Variants in ARL15 observed in about 807,000 individuals in gnomAD.
ARL15 encodes the protein ARF like GTPase 15, also known as ADP-ribosylation factor-like protein 15.
Under a neutral mutation model 25.2 loss-of-function variants are expected in ARL15, and 19 were observed. The observed-to-expected ratio is 0.75, with a 90% CI of 0.53 to 1.10. The LOEUF is 1.10. Ranked by LOEUF, ARL15 falls within the 50% of genes least tolerant of loss-of-function variation. The probability of loss-of-function intolerance (pLI) is 0.00; values close to 1 mark genes in which losing one functional copy is unlikely to be tolerated. For missense variants in ARL15, 220 were observed against 246.0 expected, an observed-to-expected ratio of 0.89 and a Z score of 0.71; for synonymous variants, 94 against 86.8, an observed-to-expected ratio of 1.08 and a Z score of -0.46.
intron 1 of ARL15, among the ~76,000 whole-genome samples, chr5:54,275,863 TTTTTGTA>T (rs1221618442): frequency 6.7e-6 from 1 of 149,802 alleles, no homozygotes; most frequent in Non-Finnish European, 1.5e-5. Flanking sequence ...TTTTTTTTTT[TTTTTGTA>T]TTTTTGTAGA....
rs766582674 is a variant in ARL15, at chr5:54,171,926, A to G, written c.51T>C (p.Cys17=). Residue 17 remains cysteine (C), a splice_region_variant and synonymous_variant, in exon 2 of 5, where the codon TGT becomes TGC. Transcript: ENST00000504924. ...TEAFLYMDYL[C]FRALCCKGPP... The stretch of plus-strand genomic sequence containing the variant: ...GTCCCTTGCAGCAAAGTGCTCTAAA[A>G]CACTGCCAAAAGAAGGGGAAAAAAA... The G allele has an allele frequency of 6.2e-7, 1 of 1,609,596 alleles. No individual in the cohort carries two copies. Among genetic ancestry groups the G allele is most frequent in the South Asian group, 1.1e-5 (1 of 90,664 alleles).
At chr5:53,975,581 T>C (rs1580133146) in intron 4 of ARL15, among the ~76,000 whole-genome samples, 1 of 152,238 alleles carries the variant, frequency 6.6e-6, no homozygotes, top group Non-Finnish European at 1.5e-5. Flanking sequence ...CTCTTGGCAA[T>C]ACTTGCTGGC....
At chr5:54,002,834 T>C (rs1748890185) in intron 4 of ARL15, among the ~76,000 whole-genome samples, 1 of 152,226 alleles carries the variant, frequency 6.6e-6, no homozygotes. Context: ...CTAACTATGC[T>C]CTCATTGCTA....
At chr5:54,111,315 C>G (rs569879584) in intron 4 of ARL15, among the ~76,000 whole-genome samples, 1 of 151,932 alleles carries the variant, frequency 6.6e-6, no homozygotes, top group African/African-American at 2.4e-5. Context: ...TCTATGACAA[C>G]GCTACATTTA....
At chr5:54,283,100 T>C (rs1320117059) in intron 1 of ARL15, among the ~76,000 whole-genome samples, 2 of 152,208 alleles carry the variant, frequency 1.3e-5, no homozygotes, top group Non-Finnish European at 2.9e-5. Flanking sequence ...AAGTTTATAA[T>C]GTCATAAATC....
intron 1 of ARL15, among the ~76,000 whole-genome samples, chr5:54,271,568 T>C (rs1211176467): frequency 1.3e-5 from 2 of 152,232 alleles, no homozygotes; most frequent in African/African-American, 4.8e-5. Context: ...TTTTCAATGG[T>C]GGTTAGTTGA....
chr5:53,978,177 C>T (rs1748004520), intron 4 of ARL15, among the ~76,000 whole-genome samples: 1 of 152,076 alleles, frequency 6.6e-6, no homozygotes, highest in Non-Finnish European at 1.5e-5. Context: ...TATCTGTAGC[C>T]TGAGAAAATA....
intron 1 of ARL15, among the ~76,000 whole-genome samples, chr5:54,191,762 A>G (rs73118747): frequency 0.023 from 3,495 of 152,178 alleles, 144 homozygotes; most frequent in African/African-American, 0.079. Flanking sequence ...GATTATTCCA[A>G]AAGCCTCACA....
intron 1 of ARL15, among the ~76,000 whole-genome samples, chr5:54,299,584 C>CTTTTTTTTTTTTTT (rs752417066): frequency 3.8e-5 from 3 of 79,556 alleles, no homozygotes; most frequent in African/African-American, 4.9e-5. Flanking sequence ...TAGCTATTAG[C>CTTTTTTTTTTTTTT]TTTTTTTTTT....
At chr5:54,069,357 G>A (rs1469832251) in intron 4 of ARL15, among the ~76,000 whole-genome samples, 4 of 152,076 alleles carry the variant, frequency 2.6e-5, no homozygotes, top group Admixed American at 2.0e-4. Flanking sequence ...GATCACCTCA[G>A]GTCAGGAGTT....
intron 1 of ARL15, among the ~76,000 whole-genome samples, chr5:54,259,996 G>T (rs112554336): frequency 1.3e-5 from 2 of 152,120 alleles, no homozygotes; most frequent in Non-Finnish European, 2.9e-5. Context: ...GAATTCATTC[G>T]TCAACCTGAA....
chr5:54,184,429 A>C (rs1755168547), intron 1 of ARL15, among the ~76,000 whole-genome samples: 1 of 137,798 alleles, frequency 7.3e-6, no homozygotes, highest in African/African-American at 2.7e-5. Flanking sequence ...GGCAACAGTA[A>C]CACTGTCTTT....
intron 4 of ARL15, among the ~76,000 whole-genome samples, chr5:54,029,763 G>A (rs1047310151): frequency 2.0e-5 from 3 of 152,132 alleles, no homozygotes; most frequent in Non-Finnish European, 4.4e-5. Context: ...GGAGGCTGAG[G>A]CGGGCAGATC....
chr5:54,262,948 A>G (rs1757531481), intron 1 of ARL15, among the ~76,000 whole-genome samples: 1 of 152,182 alleles, frequency 6.6e-6, no homozygotes, highest in Non-Finnish European at 1.5e-5. Flanking sequence ...GTCACTGGGC[A>G]GTAAAACTTC....
At chr5:54,221,825 G>GCACACACACACACA (rs3035310) in intron 1 of ARL15, among the ~76,000 whole-genome samples, 2 of 142,122 alleles carry the variant, frequency 1.4e-5, no homozygotes, top group Admixed American at 7.0e-5. Flanking sequence ...CAAGAAACAT[G>GCACACACACACACA]CACACACACA....
intron 1 of ARL15, among the ~76,000 whole-genome samples, chr5:54,240,307 A>C (rs969170487): frequency 4.6e-5 from 7 of 151,388 alleles, no homozygotes; most frequent in Non-Finnish European, 7.4e-5. Context: ...GTTGGCTCAA[A>C]AGGTGTCATT....
intron 4 of ARL15, among the ~76,000 whole-genome samples, chr5:53,910,040 G>GT (rs1745402139): frequency 6.6e-6 from 1 of 152,192 alleles, no homozygotes; most frequent in African/African-American, 2.4e-5. Flanking sequence ...ATTTATAAGA[G>GT]TTTGTCTGTT....
intron 1 of ARL15, among the ~76,000 whole-genome samples, chr5:54,253,854 T>A (rs546731086): frequency 1.3e-5 from 2 of 152,294 alleles, no homozygotes; most frequent in South Asian, 4.1e-4. Context: ...CCTCCCAAAG[T>A]GCTGGGATAA....
At chr5:54,075,234 G>A (rs559983225) in intron 4 of ARL15, among the ~76,000 whole-genome samples, 20 of 152,016 alleles carry the variant, frequency 1.3e-4, no homozygotes, top group African/African-American at 4.1e-4. Flanking sequence ...TAAATATAGG[G>A]GGTTCTTCCA....
Sources: gnomAD v4.1 joint callset for allele counts (sites outside exome capture counted in the v4.1 genomes callset) on GRCh38, gnomAD v4.1.1 for gene constraint, MANE v1.5 for transcripts, NCBI Gene and HGNC (gene_info 2026-07-23, HGNC 2026-07-21) for gene names.